Variants in RYR2 observed in about 807,000 individuals in gnomAD.
RYR2 encodes cardiac muscle ryanodine receptor-calcium release channel.
RYR2 carries 227 observed loss-of-function variants against 601.1 expected under a neutral mutation model. That is an observed-to-expected ratio of 0.38 (90% CI 0.34 to 0.42). The LOEUF is 0.42. RYR2 is among the 10% of genes least tolerant of loss of function. RYR2 has a pLI of 1.00. For missense variants in RYR2, 4,646 were observed against 6,156.5 expected, an observed-to-expected ratio of 0.75 and a Z score of 8.21; for synonymous variants, 2,223 against 2,175.1, an observed-to-expected ratio of 1.02 and a Z score of -0.61.
intron 4 of RYR2, among the ~76,000 whole-genome samples, chr1:237,358,774 C>A (rs977257005): frequency 2.0e-5 from 3 of 151,980 alleles, no homozygotes; most frequent in African/African-American, 7.2e-5. Flanking sequence ...AGTAAGACAC[C>A]AGTCTACAGT....
chr1:237,691,029 C>A (rs949974163), intron 63 of RYR2, among the ~76,000 whole-genome samples: 4 of 152,164 alleles, frequency 2.6e-5, no homozygotes, highest in Non-Finnish European at 5.9e-5. Context: ...CTACTTTTAT[C>A]ATTTTCTTGC....
intron 63 of RYR2, 127 bp from the exon 64 acceptor site, chr1:237,698,838 A>T (rs1687719043): frequency 7.3e-6 from 4 of 549,264 alleles, no homozygotes; most frequent in Non-Finnish European, 1.3e-5. Flanking sequence ...AAACTTGATT[A>T]TTAAAAAACC....
intron 25 of RYR2, among the ~76,000 whole-genome samples, chr1:237,539,931 G>A (rs1413603951): frequency 6.6e-6 from 1 of 151,784 alleles, no homozygotes; most frequent in African/African-American, 2.4e-5. Flanking sequence ...TTTTTAAATA[G>A]CCAATTTCTG....
chr1:237,108,288 T>C (rs115140019), intron 1 of RYR2, among the ~76,000 whole-genome samples: 2,746 of 152,222 alleles, frequency 0.018, 79 homozygotes, highest in African/African-American at 0.063. Flanking sequence ...GGGCCCAGTA[T>C]ATGATACTCC....
chr1:237,801,882 A>G lies in RYR2; in HGVS notation c.14117A>G (p.Gln4706Arg). 6.2e-7 allele frequency: 1 copy of G among 1,601,036 alleles called. No homozygotes were observed. The highest frequency in any genetic ancestry group is 8.5e-7 in the Non-Finnish European group (1 of 1,171,758). Reference protein sequence around the residue: ...AVLNSIDVKYQMWKLGVVFTD... With the variant: ...AVLNSIDVKYRMWKLGVVFTD... ...CTGAACTCCATTGATGTGAAGTATC[A>G]GATGTGGAAACTAGGAGTCGTTTTC... is the stretch of plus-strand genomic sequence containing the variant. Residue 4706 changes from glutamine (Q) to arginine (R), a missense_variant, in exon 98 of 105, where the codon CAG (glutamine) becomes CGG (arginine). Gln to Arg is a conservative substitution (Grantham distance 43). Transcript: ENST00000366574.
intron 1 of RYR2, among the ~76,000 whole-genome samples, chr1:237,218,152 A>C (rs530047412): frequency 1.3e-5 from 2 of 152,240 alleles, no homozygotes; most frequent in Non-Finnish European, 2.9e-5. Flanking sequence ...TGGAAAAATA[A>C]ACAAGATTAT....
intron 11 of RYR2, among the ~76,000 whole-genome samples, chr1:237,419,515 T>C (rs1010656405): frequency 6.6e-6 from 1 of 152,176 alleles, no homozygotes; most frequent in African/African-American, 2.4e-5. Flanking sequence ...AATCAATATA[T>C]AGAAAGGAGA....
chr1:237,814,660 A>G (rs1168414054), intron 100 of RYR2, among the ~76,000 whole-genome samples: 1 of 152,060 alleles, frequency 6.6e-6, no homozygotes, highest in East Asian at 1.9e-4. Context: ...AGGAGGAGAA[A>G]GAGAAAAATG....
chr1:237,437,935 G>T (rs1707559449), intron 12 of RYR2, among the ~76,000 whole-genome samples: 1 of 152,086 alleles, frequency 6.6e-6, no homozygotes, highest in South Asian at 2.1e-4. Flanking sequence ...AATGTAGGAG[G>T]CATAGGAATT....
chr1:237,456,743 G>C lies in RYR2; in HGVS notation c.1612+8G>C, dbSNP rs375122829. ...CTCTGTATGAGTTGCTGGGTAAGAAGCATGATTGGGTTCATAGCAACAGAG... is the reference window on the plus strand; with the variant it reads ...CTCTGTATGAGTTGCTGGGTAAGAACCATGATTGGGTTCATAGCAACAGAG... On this transcript the variant is annotated splice_region_variant and intron_variant, in intron 16 of 104. Transcript: ENST00000366574. The C allele has an allele frequency of 6.2e-7, 1 of 1,613,192 alleles. No homozygotes were observed.
At chr1:237,251,860 C>T (rs1009242850) in intron 1 of RYR2, among the ~76,000 whole-genome samples, 3 of 152,184 alleles carry the variant, frequency 2.0e-5, no homozygotes, top group African/African-American at 7.2e-5. Flanking sequence ...TTCCCCATTT[C>T]GGTACATGGT....
chr1:237,144,374 A>G (rs1673743195), intron 1 of RYR2, among the ~76,000 whole-genome samples: 1 of 152,092 alleles, frequency 6.6e-6, no homozygotes, highest in Non-Finnish European at 1.5e-5. Flanking sequence ...TCCTATCTTT[A>G]TGTCAGAAGG....
At chr1:237,728,441 C>A (rs1469383182) in intron 76 of RYR2, among the ~76,000 whole-genome samples, 5 of 151,926 alleles carry the variant, frequency 3.3e-5, no homozygotes, top group Non-Finnish European at 1.5e-5. Flanking sequence ...GGGTATATAC[C>A]CAAAGGATTA....
intron 1 of RYR2, among the ~76,000 whole-genome samples, chr1:237,265,322 G>C (rs1239662855): frequency 6.6e-6 from 1 of 152,102 alleles, no homozygotes; most frequent in Non-Finnish European, 1.5e-5. Context: ...GGATTTTTTT[G>C]ATTGTTTGTT....
At chr1:237,409,973 C>A (rs965104860) in intron 10 of RYR2, among the ~76,000 whole-genome samples, 1 of 152,042 alleles carries the variant, frequency 6.6e-6, no homozygotes, top group Non-Finnish European at 1.5e-5. Flanking sequence ...ATACTCTACC[C>A]TTTTTCTTGA....
At chr1:237,586,728 T>C (rs1000330285) in intron 29 of RYR2, among the ~76,000 whole-genome samples, 2 of 152,116 alleles carry the variant, frequency 1.3e-5, no homozygotes, top group Non-Finnish European at 2.9e-5. Flanking sequence ...CTTTTTTTTT[T>C]CTTTTTTTTG....
At chr1:237,058,800 G>A (rs1470697277) in intron 1 of RYR2, among the ~76,000 whole-genome samples, 11 of 150,164 alleles carry the variant, frequency 7.3e-5, no homozygotes, top group African/African-American at 2.7e-4. Flanking sequence ...GAGAAGGGGC[G>A]GGGGGCCGGG....
intron 1 of RYR2, among the ~76,000 whole-genome samples, chr1:237,238,210 G>A (rs1685790725): frequency 1.3e-5 from 2 of 151,884 alleles, no homozygotes; most frequent in Non-Finnish European, 2.9e-5. Context: ...GCTCAAGTGA[G>A]TCTTCCTTCC....
At position 237,135,746 on chromosome 1, in the gene RYR2, TG is replaced by T. The variant is rs1299400028; in HGVS notation, c.48+93178del. Reference sequence around the variant, plus strand: ...TTGTAGCTTATTGAAGGTCTGTCATTGTGATAGATTTGTCTTTTGTACAGCT... The same window carrying T: ...TTGTAGCTTATTGAAGGTCTGTCATTTGATAGATTTGTCTTTTGTACAGCT... On this transcript the variant is annotated intron_variant, in intron 1 of 104. Coordinates refer to ENST00000366574, the MANE Select transcript of RYR2 (RefSeq NM_001035.3). Among the ~76,000 whole-genome samples, 16 of 152,328 alleles carry T rather than the reference TG, an allele frequency of 1.1e-4. No individual in the cohort carries two copies. The East Asian group carries it at 3.1e-3, about 29-fold the overall frequency.
Sources: allele counts gnomAD v4.1 joint callset (sites outside exome capture counted in the v4.1 genomes callset), GRCh38; gene constraint gnomAD v4.1.1; transcripts MANE v1.5; gene names NCBI Gene and HGNC (gene_info 2026-07-23, HGNC 2026-07-21).